Variants in MS4A14 observed in about 807,000 individuals in gnomAD.
The protein encoded by MS4A14 is membrane spanning 4-domains A14, also known as membrane-spanning 4-domains subfamily A member 14.
A neutral mutation model predicts 16.7 loss-of-function variants in MS4A14; 18 were observed. The observed-to-expected ratio is 1.08, with a 90% CI of 0.75 to 1.60. MS4A14 has a LOEUF of 1.60. MS4A14 is among the 40% of genes most tolerant of loss of function. The pLI, the probability that MS4A14 is intolerant of heterozygous loss-of-function variation, is 0.00. For missense variants in MS4A14, 812 were observed against 775.3 expected (o/e 1.05, Z -0.56); for synonymous variants, 305 against 289.4 (o/e 1.05, Z -0.55).
At chr11:60,403,278 T>A in intron 4 of MS4A14, 1 of 528,184 alleles carries the variant, frequency 1.9e-6, no homozygotes, top group Non-Finnish European at 3.4e-6. Context: ...CTTGGCCTAA[T>A]ATTGTATTCT....
intron 4 of MS4A14, among the ~76,000 whole-genome samples, chr11:60,412,307 G>GTTT (rs199570061): frequency 6.9e-6 from 1 of 144,026 alleles, no homozygotes; most frequent in African/African-American, 2.5e-5. Context: ...GAGAATAATT[G>GTTT]TTTTTTTTTT....
At chr11:60,406,514 T>C (rs2085788399) in intron 4 of MS4A14, among the ~76,000 whole-genome samples, 1 of 152,236 alleles carries the variant, frequency 6.6e-6, no homozygotes, top group African/African-American at 2.4e-5. Flanking sequence ...ATTTTACATA[T>C]GAAGGAAGTA....
At position 60,416,019 on chromosome 11, in the gene MS4A14, A is replaced by G; in HGVS notation, c.1051A>G (p.Thr351Ala). 2 of 1,613,850 alleles carry G rather than the reference A, an allele frequency of 1.2e-6. No homozygotes were observed. The highest frequency in any genetic ancestry group is 2.2e-5 in the South Asian group (2 of 91,062). The change falls in exon 5 of 5, where the codon ACA becomes GCA. Residue 351 changes from threonine to alanine, a missense_variant. By Grantham distance (58) the Thr-to-Ala change is moderately conservative. Coordinates refer to ENST00000300187, the MANE Select transcript of MS4A14 (RefSeq NM_032597.5). The stretch of plus-strand genomic sequence containing the variant: ...CCATGTCAAACAGTCTTCTAATCTG[A>G]CAGCTAATGACCTGCCCCCTCAAGG... The part of the protein sequence containing the change: ...SSHVKQSSNL[T>A]ANDLPPQGIL...
In MS4A14 at chr11:60,411,524, C is replaced by G. The variant is rs73481215; in HGVS notation, c.469-3913C>G. ...TAAAGTATGTAATTATTTTAGGTGGCATTATAAATGAAATTGCTTTTTAAA... is the reference window on the plus strand; with the variant it reads ...TAAAGTATGTAATTATTTTAGGTGGGATTATAAATGAAATTGCTTTTTAAA... On this transcript the variant is annotated intron_variant, in intron 4 of 4. Transcript: ENST00000300187. 7.0e-3 allele frequency among the ~76,000 whole-genome samples: 1,064 copies of G among 152,190 alleles called. 14 individuals carry two copies. Among genetic ancestry groups the G allele is most frequent in the African/African-American group, 0.024 (1,012 of 41,514 alleles).
chr11:60,396,926 T>C (rs2085633309), intron 1 of MS4A14, among the ~76,000 whole-genome samples: 1 of 152,140 alleles, frequency 6.6e-6, no homozygotes, highest in African/African-American at 2.4e-5. Flanking sequence ...AAATATCTCA[T>C]TGAGGAAGTG....
chr11:60,401,657 G>C (rs78513657), intron 3 of MS4A14, among the ~76,000 whole-genome samples: 2 of 152,154 alleles, frequency 1.3e-5, no homozygotes, highest in East Asian at 3.9e-4. Flanking sequence ...CCTTCCTACA[G>C]CACAAAAGTA....
Position 60,416,242 on chromosome 11 carries a change from T to A in MS4A14, c.1274T>A (p.Val425Glu). 5 of 1,614,040 alleles carry A rather than the reference T, an allele frequency of 3.1e-6. No individual in the cohort carries two copies. The highest frequency in any genetic ancestry group is 4.2e-6 in the Non-Finnish European group (5 of 1,179,978). Residue 425 changes from valine (V) to glutamate (E), a missense_variant, in exon 5 of 5, where the codon GTG becomes GAG. Val to Glu is a moderately radical substitution (Grantham distance 121). Coordinates refer to ENST00000300187, the MANE Select transcript of MS4A14 (RefSeq NM_032597.5). ...ILPEASTSHI[V>E]QFPEIQHLLQ... ...CCTGAAGCCTCAACATCCCATATTG[T>A]GCAGTTCCCTGAAATACAACACCTA... is the stretch of plus-strand genomic sequence containing the variant.
intron 3 of MS4A14, 56 bp from the exon 4 acceptor site, chr11:60,402,856 T>A: frequency 6.5e-7 from 1 of 1,545,072 alleles, no homozygotes; most frequent in Non-Finnish European, 8.9e-7. Flanking sequence ...TCTTACAAGA[T>A]ATTTTTGCTT....
intron 4 of MS4A14, 70 bp downstream of exon 4, chr11:60,403,131 C>A: frequency 1.3e-6 from 2 of 1,488,846 alleles, no homozygotes; most frequent in African/African-American, 1.4e-5. Context: ...TGTAATGATT[C>A]ACTGATTTTT....
At chr11:60,397,042 T>A (rs1397360446) in intron 1 of MS4A14, among the ~76,000 whole-genome samples, 1 of 152,184 alleles carries the variant, frequency 6.6e-6, no homozygotes, top group Non-Finnish European at 1.5e-5. Context: ...TCAAAACCCA[T>A]ATTCAAAGCT....
rs1355675432 is a variant in MS4A14 at position 60,416,995 on chromosome 11, C to T, written c.2027C>T (p.Pro676Leu). The change falls in exon 5 of 5, where the codon CCC becomes CTC. Residue 676 changes from proline (P) to leucine (L), a missense_variant. Coordinates refer to ENST00000300187, the MANE Select transcript of MS4A14 (RefSeq NM_032597.5). ...ACTGTCAATCTTTTGGCCAAGAATC[C>T]CCTGACTGGATAACTCAGGGCTGGA... ...PRTVNLLAKN[P>L]LTG 2.5e-6 allele frequency: 4 copies of T among 1,611,402 alleles called. No individual in the cohort carries two copies. In the African/African-American group the frequency reaches 4.0e-5, roughly 16 times the overall value.
In MS4A14 at chr11:60,416,597, A is replaced by G; in HGVS notation, c.1629A>G (p.Pro543=). 1 of 1,613,908 alleles carries G rather than the reference A, an allele frequency of 6.2e-7. No individual in the cohort carries two copies. Among genetic ancestry groups the G allele is most frequent in the African/African-American group, 1.3e-5 (1 of 75,030 alleles). Residue 543 remains proline, a synonymous_variant, in exon 5 of 5, where the codon CCA becomes CCG. Coordinates refer to ENST00000300187, the MANE Select transcript of MS4A14 (RefSeq NM_032597.5). ...LDQQIKDWLS[P]KRHSVDKQAQ... ...AGCAAATCAAAGACTGGCTATCCCC[A>G]AAGAGGCACTCCGTAGATAAGCAAG...
chr11:60,406,752 C>T (rs116559661), intron 4 of MS4A14, among the ~76,000 whole-genome samples: 109 of 152,246 alleles, frequency 7.2e-4, no homozygotes, highest in African/African-American at 2.4e-3. Flanking sequence ...CCATCACAAT[C>T]AAGGTATAGT....
chr11:60,400,522 C>G (rs1427031749), intron 3 of MS4A14, 68 bp downstream of exon 3: 4 of 1,127,400 alleles, frequency 3.5e-6, no homozygotes, highest in East Asian at 2.5e-5. Context: ...ATGTATGAAG[C>G]CTTTAGTAAT....
At chr11:60,399,337 C>T (rs1479635507) in intron 2 of MS4A14, among the ~76,000 whole-genome samples, 1 of 152,110 alleles carries the variant, frequency 6.6e-6, no homozygotes, top group African/African-American at 2.4e-5. Context: ...AGGAAAGCAT[C>T]CCTGGCAAAG....
chr11:60,416,876 G>A lies in MS4A14; in HGVS notation c.1908G>A (p.Val636=), dbSNP rs370794980. ...GACAGCAAGCTCAGGTGGAGAAAGTGCCAAAACTGTTATGCCAAGATTCAG... is the reference window on the plus strand; with the variant it reads ...GACAGCAAGCTCAGGTGGAGAAAGTACCAAAACTGTTATGCCAAGATTCAG... ...AEGQQAQVEK[V]PKLLCQDSES... is the part of the protein sequence containing the mutation. Residue 636 remains valine, a synonymous_variant, in exon 5 of 5, where the codon GTG becomes GTA. Transcript: ENST00000300187. 23 of 1,613,576 alleles carry A rather than the reference G, an allele frequency of 1.4e-5. No individual in the cohort carries two copies. Among genetic ancestry groups the A allele is most frequent in the Non-Finnish European group, 1.3e-5 (15 of 1,179,776 alleles).
At chr11:60,403,827 C>T (rs184063799) in intron 4 of MS4A14, among the ~76,000 whole-genome samples, 83 of 152,134 alleles carry the variant, frequency 5.5e-4, no homozygotes, top group African/African-American at 1.7e-3. Flanking sequence ...TATTTGAATC[C>T]GTTAGAAGGG....
chr11:60,407,006 C>CTTTTTTTT (rs71036579), intron 4 of MS4A14, among the ~76,000 whole-genome samples: 3 of 74,592 alleles, frequency 4.0e-5, no homozygotes, highest in African/African-American at 5.5e-5. Flanking sequence ...ATCAATTTAC[C>CTTTTTTTT]TTTTTTTTTT....
rs1301115317 is a variant in MS4A14 at position 60,417,148 on chromosome 11, A to G, written c.*140A>G. The G allele has an allele frequency of 3.0e-6, 3 of 989,392 alleles. No individual in the cohort carries two copies. Among genetic ancestry groups the G allele is most frequent in the Non-Finnish European group, 4.3e-6 (3 of 696,534 alleles). 61.3% of individuals were successfully genotyped at this position (989,392 alleles called of 1,614,324 possible). ...AAGAAGTCCAAACCCAGCACGCAAC[A>G]GCCCAACATAACCTAGAATGTCAAG... On this transcript the variant is annotated 3_prime_UTR_variant, in exon 5 of 5. Coordinates refer to ENST00000300187, the MANE Select transcript of MS4A14 (RefSeq NM_032597.5).
Sources: gnomAD v4.1 joint callset for allele counts (sites outside exome capture counted in the v4.1 genomes callset) on GRCh38, gnomAD v4.1.1 for gene constraint, MANE v1.5 for transcripts, NCBI Gene and HGNC (gene_info 2026-07-23, HGNC 2026-07-21) for gene names.